Variants in CLSTN2 observed in about 807,000 individuals in gnomAD.
The protein encoded by CLSTN2 is calsyntenin-2.
Under a neutral mutation model 101.2 loss-of-function variants are expected in CLSTN2, and 48 were observed. The ratio of observed to expected loss-of-function variants is 0.47; its 90% confidence interval spans 0.38 to 0.60. The LOEUF (loss-of-function observed/expected upper bound fraction) is 0.60. Among genes scored for constraint, CLSTN2 ranks in the 20% least tolerant of loss-of-function variants. The pLI, the probability that CLSTN2 is intolerant of heterozygous loss-of-function variation, is 0.00. For missense variants in CLSTN2, 1,160 were observed against 1,238.2 expected (o/e 0.94, Z 0.95); for synonymous variants, 481 against 463.6 (o/e 1.04, Z -0.48).
At chr3:140,528,951 A>G (rs975028659) in intron 8 of CLSTN2, among the ~76,000 whole-genome samples, 1 of 152,268 alleles carries the variant, frequency 6.6e-6, no homozygotes, top group Non-Finnish European at 1.5e-5. Context: ...CACCTAGTAG[A>G]CATAATAGTT....
intron 2 of CLSTN2, among the ~76,000 whole-genome samples, chr3:140,385,126 A>G (rs1350220016): frequency 6.6e-6 from 1 of 152,176 alleles, no homozygotes; most frequent in African/African-American, 2.4e-5. Flanking sequence ...GTGAGAGATC[A>G]TGTAGTCAGT....
chr3:140,520,552 ACCTGGTCCCAC>A (rs553180587), intron 8 of CLSTN2, among the ~76,000 whole-genome samples: 150 of 152,232 alleles, frequency 9.9e-4, no homozygotes, highest in African/African-American at 3.5e-3. Flanking sequence ...AATTACCTCC[ACCTGGTCCCAC>A]CCTTGACATG....
chr3:140,274,299 G>A (rs577224167), intron 2 of CLSTN2, among the ~76,000 whole-genome samples: 1 of 152,266 alleles, frequency 6.6e-6, no homozygotes, highest in Non-Finnish European at 1.5e-5. Context: ...GAGTGCCTGG[G>A]AAGAGCTCTG....
intron 2 of CLSTN2, among the ~76,000 whole-genome samples, chr3:140,247,563 G>T (rs1454752653): frequency 1.3e-5 from 2 of 152,182 alleles, no homozygotes; most frequent in Non-Finnish European, 2.9e-5. Context: ...GGAACATCTG[G>T]ATCTCTAAAG....
chr3:140,054,652 A>G (rs1047208086), intron 1 of CLSTN2, among the ~76,000 whole-genome samples: 18 of 152,186 alleles, frequency 1.2e-4, no homozygotes, highest in African/African-American at 4.1e-4. Flanking sequence ...CCTTTTGACT[A>G]ATAGAATGCA....
intron 1 of CLSTN2, among the ~76,000 whole-genome samples, chr3:139,954,104 T>C (rs1935345658): frequency 6.6e-6 from 1 of 152,162 alleles, no homozygotes. Context: ...GATAGGTAGT[T>C]TCTTGATCTT....
At chr3:139,968,103 C>G (rs1935636089) in intron 1 of CLSTN2, among the ~76,000 whole-genome samples, 1 of 152,104 alleles carries the variant, frequency 6.6e-6, no homozygotes, top group East Asian at 1.9e-4. Flanking sequence ...CCAAATAAGA[C>G]TCTCCTTTTG....
chr3:140,444,411 CAA>C (rs1373345178), intron 5 of CLSTN2, among the ~76,000 whole-genome samples: 38 of 143,232 alleles, frequency 2.7e-4, no homozygotes, highest in Admixed American at 2.3e-3. Flanking sequence ...GCCTGGGTGA[CAA>C]GAGCAAAACT....
intron 4 of CLSTN2, among the ~76,000 whole-genome samples, chr3:140,406,293 C>G (rs146140134): frequency 6.6e-6 from 1 of 152,292 alleles, no homozygotes; most frequent in East Asian, 1.9e-4. Flanking sequence ...GTGAAGGAGA[C>G]ACTCTCATCC....
At chr3:140,145,824 A>C (rs941318542) in intron 1 of CLSTN2, among the ~76,000 whole-genome samples, 1 of 152,376 alleles carries the variant, frequency 6.6e-6, no homozygotes, top group Middle Eastern at 3.4e-3. Context: ...TGGAGCCAGC[A>C]GAGTGATCTT....
chr3:140,212,236 A>G (rs1350450556), intron 2 of CLSTN2, among the ~76,000 whole-genome samples: 1 of 152,216 alleles, frequency 6.6e-6, no homozygotes, highest in Non-Finnish European at 1.5e-5. Flanking sequence ...ATTTTTAACA[A>G]AGATTTACCT....
At chr3:140,225,796 T>C (rs570212454) in intron 2 of CLSTN2, among the ~76,000 whole-genome samples, 1 of 152,204 alleles carries the variant, frequency 6.6e-6, no homozygotes, top group Admixed American at 6.5e-5. Flanking sequence ...CACCCGGCCT[T>C]GACACTGACA....
At chr3:139,944,165 A>T (rs1282822533) in intron 1 of CLSTN2, among the ~76,000 whole-genome samples, 1 of 152,192 alleles carries the variant, frequency 6.6e-6, no homozygotes, top group Non-Finnish European at 1.5e-5. Flanking sequence ...CACTCTTATT[A>T]TCCCCTTTAC....
rs545222565 is a variant in CLSTN2, at chr3:140,319,714, C to T, written c.233-83915C>T. On this transcript the variant is annotated intron_variant, in intron 2 of 16. Coordinates refer to ENST00000458420, the MANE Select transcript of CLSTN2 (RefSeq NM_022131.3). The stretch of plus-strand genomic sequence containing the variant: ...GAGATGACACATGGAAGGTTCTGAG[C>T]ATGTGCCTTAGCATGACCATAGATC... Among the ~76,000 whole-genome samples, 4 of 152,352 alleles carry T rather than the reference C, an allele frequency of 2.6e-5. No individual in the cohort carries two copies. The East Asian group carries it at 5.8e-4, about 22-fold the overall frequency.
At chr3:140,518,486 C>T (rs530336396) in intron 8 of CLSTN2, among the ~76,000 whole-genome samples, 44 of 152,108 alleles carry the variant, frequency 2.9e-4, no homozygotes, top group Non-Finnish European at 5.1e-4. Flanking sequence ...GCTCTTCCCC[C>T]TACTTCTCCT....
intron 5 of CLSTN2, among the ~76,000 whole-genome samples, chr3:140,426,066 C>T (rs1235842091): frequency 1.3e-5 from 2 of 152,218 alleles, no homozygotes; most frequent in Non-Finnish European, 2.9e-5. Context: ...ATGCTAATGA[C>T]AGGCTTGCAT....
chr3:140,348,712 A>G (rs2087575526), intron 2 of CLSTN2, among the ~76,000 whole-genome samples: 1 of 152,228 alleles, frequency 6.6e-6, no homozygotes, highest in African/African-American at 2.4e-5. Context: ...AAATCACACC[A>G]CATATGTAAT....
intron 8 of CLSTN2, among the ~76,000 whole-genome samples, chr3:140,493,622 C>G (rs918091823): frequency 7.2e-5 from 11 of 152,120 alleles, no homozygotes; most frequent in African/African-American, 2.7e-4. Context: ...GGCTGGACAA[C>G]ATAACCAGGT....
At chr3:140,520,167 G>A (rs897621164) in intron 8 of CLSTN2, among the ~76,000 whole-genome samples, 1 of 152,182 alleles carries the variant, frequency 6.6e-6, no homozygotes, top group Non-Finnish European at 1.5e-5. Flanking sequence ...CTGCTGAGAG[G>A]ACCACTGTTA....
Sources: gnomAD v4.1 joint callset for allele counts (sites outside exome capture counted in the v4.1 genomes callset) on GRCh38, gnomAD v4.1.1 for gene constraint, MANE v1.5 for transcripts, NCBI Gene and HGNC (gene_info 2026-07-23, HGNC 2026-07-21) for gene names.